SEC24D: variants seen among roughly 807,000 people sequenced by gnomAD.
The protein encoded by SEC24D is SEC24 homolog D, COPII component, also known as protein transport protein Sec24D.
SEC24D carries 69 observed loss-of-function variants against 116.9 expected under a neutral mutation model. The ratio of observed to expected loss-of-function variants is 0.59; its 90% CI spans 0.49 to 0.72. The LOEUF (loss-of-function observed/expected upper bound fraction) is 0.72. SEC24D is among the 30% of genes least tolerant of loss of function. SEC24D has a pLI of 0.00. For synonymous variants in SEC24D, 405 were observed against 442.8 expected (o/e 0.91, Z 1.07); for missense variants, 1,131 against 1,264.1 (o/e 0.89, Z 1.60).
chr4:118,815,222 A>G, intron 5 of SEC24D, 67 bp from the exon 6 acceptor site: 1 of 1,572,230 alleles, frequency 6.4e-7, no homozygotes. Context: ...CTTGTTGACG[A>G]TATTATGCTG....
chr4:118,796,205 A>T (rs984259155), intron 8 of SEC24D, among the ~76,000 whole-genome samples: 7 of 152,218 alleles, frequency 4.6e-5, no homozygotes, highest in Non-Finnish European at 8.8e-5. Context: ...TTCAAAACAC[A>T]ATGTTGAAAA....
intron 18 of SEC24D, 63 bp from the exon 19 acceptor site, chr4:118,738,442 T>A: frequency 1.2e-5 from 13 of 1,117,270 alleles, no homozygotes; most frequent in Admixed American, 1.1e-4. Context: ...CTTCAAATAA[T>A]CAAACAAAAA....
intron 8 of SEC24D, among the ~76,000 whole-genome samples, chr4:118,781,149 T>C (rs907715961): frequency 6.6e-6 from 1 of 152,098 alleles, no homozygotes; most frequent in East Asian, 1.9e-4. Context: ...GCTGGTTATT[T>C]TGCCCGTTAG....
chr4:118,822,712 C>T (rs1025029081), intron 3 of SEC24D, among the ~76,000 whole-genome samples: 2 of 152,040 alleles, frequency 1.3e-5, no homozygotes, highest in African/African-American at 4.8e-5. Context: ...GCTGGGACCA[C>T]AGGTGCATGC....
intron 8 of SEC24D, among the ~76,000 whole-genome samples, chr4:118,785,875 G>A (rs1442418738): frequency 6.6e-6 from 1 of 152,110 alleles, no homozygotes; most frequent in Non-Finnish European, 1.5e-5. Context: ...TAAATTGCCT[G>A]AAGTTCTCAT....
In SEC24D at chr4:118,768,118, A is replaced by G. The variant is rs1727724218; in HGVS notation, c.1180+55T>C. On this transcript the variant is annotated intron_variant, in intron 9 of 22. Coordinates refer to ENST00000280551, the MANE Select transcript of SEC24D (RefSeq NM_014822.4). ...ATGCTTCTCCTAAACTAAGAAGTATAATACATTTTAGTTAATAAAGAATTT... is the reference window on the plus strand; with the variant it reads ...ATGCTTCTCCTAAACTAAGAAGTATGATACATTTTAGTTAATAAAGAATTT... 2.8e-6 allele frequency: 4 copies of G among 1,444,672 alleles called. No homozygotes were observed. The Admixed American group carries it at 5.3e-5, about 19-fold the overall frequency. The allele number at this position is 1,444,672 out of a possible 1,614,324, so 89.5% of individuals were successfully genotyped here. A position where few individuals can be genotyped will look rare whatever the true frequency, so the allele number is the denominator to read the frequency against.
intron 3 of SEC24D, among the ~76,000 whole-genome samples, chr4:118,823,858 T>C (rs1389321094): frequency 3.3e-5 from 5 of 152,210 alleles, no homozygotes; most frequent in Non-Finnish European, 7.3e-5. Context: ...CTGGCATCTG[T>C]GTGCCTTCCA....
chr4:118,833,603 G>A lies in SEC24D; in HGVS notation c.94C>T (p.Pro32Ser). Residue 32 changes from proline to serine, a missense_variant, in exon 2 of 23, where the codon CCG (proline) becomes TCG (serine). By Grantham distance (74) the Pro-to-Ser change is moderately conservative. Coordinates refer to ENST00000280551, the MANE Select transcript of SEC24D (RefSeq NM_014822.4). ...CCTGTTGGAGATGCTGTGTGCGACGGATCCCCATAGTGCCCATAATGAGGT... is the reference window on the plus strand; with the variant it reads ...CCTGTTGGAGATGCTGTGTGCGACGAATCCCCATAGTGCCCATAATGAGGT... Reference protein sequence around the residue: ...SPPHYGHYGDPSHTASPTGMM... With the variant: ...SPPHYGHYGDSSHTASPTGMM... 1.2e-6 allele frequency: 2 copies of A among 1,613,328 alleles called. No individual in the cohort carries two copies. The highest frequency in any genetic ancestry group is 1.3e-5 in the African/African-American group (1 of 75,026).
chr4:118,788,272 C>T (rs898165239), intron 8 of SEC24D, among the ~76,000 whole-genome samples: 6 of 152,136 alleles, frequency 3.9e-5, no homozygotes, highest in Non-Finnish European at 8.8e-5. Context: ...TGGTGAATGT[C>T]CAATAAAACT....
intron 13 of SEC24D, among the ~76,000 whole-genome samples, chr4:118,751,764 A>C (rs575177425): frequency 6.6e-6 from 1 of 152,314 alleles, no homozygotes; most frequent in East Asian, 1.9e-4. Context: ...CTAAACTGGA[A>C]ATCCTGGCAA....
chr4:118,760,670 A>G (rs563207220), intron 10 of SEC24D: 1 of 151,862 alleles, frequency 6.6e-6, no homozygotes, highest in Admixed American at 6.6e-5. Context: ...TTTTGGGTAT[A>G]TACCCAGAAG....
intron 1 of SEC24D, 35 bp from the exon 2 acceptor site, chr4:118,833,772 C>T: frequency 1.0e-6 from 1 of 1,000,482 alleles, no homozygotes. Context: ...GTTACCAAGA[C>T]AGTTTTAGTT....
intron 8 of SEC24D, among the ~76,000 whole-genome samples, chr4:118,779,469 G>C (rs1010457884): frequency 6.6e-6 from 1 of 152,196 alleles, no homozygotes; most frequent in Non-Finnish European, 1.5e-5. Context: ...GAATGTGGTG[G>C]ATAAGCTTTT....
intron 8 of SEC24D, among the ~76,000 whole-genome samples, chr4:118,793,058 C>G (rs1323260006): frequency 6.6e-6 from 1 of 152,138 alleles, no homozygotes; most frequent in African/African-American, 2.4e-5. Context: ...CAAGCCTTGA[C>G]TAACCTCCAA....
At chr4:118,787,478 T>C (rs1728702655) in intron 8 of SEC24D, among the ~76,000 whole-genome samples, 1 of 152,196 alleles carries the variant, frequency 6.6e-6, no homozygotes, top group Non-Finnish European at 1.5e-5. Context: ...AGGCTATACA[T>C]GAAAATGCAT....
intron 19 of SEC24D, 63 bp from the exon 20 acceptor site, chr4:118,732,975 C>T: frequency 2.2e-6 from 3 of 1,362,108 alleles, no homozygotes; most frequent in Non-Finnish European, 3.1e-6. Context: ...CCCTGAGCTT[C>T]ATCTGTAAGA....
intron 4 of SEC24D, among the ~76,000 whole-genome samples, chr4:118,816,366 C>T (rs1474420480): frequency 6.6e-6 from 1 of 152,066 alleles, no homozygotes; most frequent in African/African-American, 2.4e-5. Context: ...TCTAGAAAAT[C>T]ATATAAAAAT....
intron 8 of SEC24D, among the ~76,000 whole-genome samples, chr4:118,795,207 C>CTT (rs776443339): frequency 2.8e-5 from 4 of 142,656 alleles, no homozygotes; most frequent in African/African-American, 5.1e-5. Flanking sequence ...CACATAAAAA[C>CTT]TTTTTTTTTT....
intron 11 of SEC24D, among the ~76,000 whole-genome samples, chr4:118,756,368 A>G (rs574462201): frequency 2.4e-4 from 37 of 152,252 alleles, no homozygotes; most frequent in African/African-American, 8.2e-4. Flanking sequence ...TCTTCATTTT[A>G]GAATTTAGTT....
Sources: allele counts gnomAD v4.1 joint callset (sites outside exome capture counted in the v4.1 genomes callset), GRCh38; gene constraint gnomAD v4.1.1; transcripts MANE v1.5; gene names NCBI Gene and HGNC (gene_info 2026-07-23, HGNC 2026-07-21).